CAPN3: variants seen among roughly 807,000 people sequenced by gnomAD.
CAPN3 encodes the protein calpain 3.
Under a neutral mutation model 114.0 loss-of-function variants are expected in CAPN3, and 88 were observed. That is an observed-to-expected ratio of 0.77 (90% CI 0.65 to 0.92). The LOEUF is 0.92. CAPN3 is among the 40% of genes least tolerant of loss of function. The pLI is 0.00. For synonymous variants in CAPN3, 386 were observed against 382.9 expected, an observed-to-expected ratio of 1.01 and a Z score of -0.09; for missense variants, 1,028 against 1,069.0, an observed-to-expected ratio of 0.96 and a Z score of 0.53.
chr15:42,387,710 A>G (rs779415824), intron 3 of CAPN3, 43 bp from the exon 4 acceptor site: 1 of 1,613,250 alleles, frequency 6.2e-7, no homozygotes, highest in East Asian at 2.2e-5. Flanking sequence ...ATTTCCTAAC[A>G]GTAATTTGAG....
In CAPN3 at chr15:42,396,863, G is replaced by A; in HGVS notation, c.1179G>A (p.Glu393=). The A allele has an allele frequency of 6.2e-7, 1 of 1,613,512 alleles. No individual in the cohort carries two copies. Among genetic ancestry groups the A allele is most frequent in the Non-Finnish European group, 8.5e-7 (1 of 1,179,452 alleles). The change falls in exon 9 of 24, where the codon GAG becomes GAA. Residue 393 remains glutamate, a synonymous_variant. Coordinates refer to ENST00000397163, the MANE Select transcript of CAPN3 (RefSeq NM_000070.3). The part of the protein sequence containing the change: ...EKARLQHQVT[E]DGEFWMSYED... ...CCCGTCTGCAGCACCAGGTCACTGA[G>A]GATGGAGAGTTCTGGTGAGTCCAGA... is the stretch of plus-strand genomic sequence containing the variant.
In CAPN3 at chr15:42,404,263, T is replaced by G. The variant is rs943263764; in HGVS notation, c.1782+486T>G. On this transcript the variant is annotated intron_variant, in intron 14 of 23. Coordinates refer to ENST00000397163, the MANE Select transcript of CAPN3 (RefSeq NM_000070.3). ...AGTAAAACGGGGATGATAATGTGCC[T>G]TGCAAGGCTTTTGTGAGGCTTCATC... 2.4e-5 allele frequency: 11 copies of G among 456,514 alleles called. No homozygotes were observed. The Admixed American group carries it at 2.6e-4, about 11-fold the overall frequency. 28.3% of individuals were successfully genotyped at this position (456,514 alleles called of 1,614,324 possible). A position where few individuals can be genotyped will look rare whatever the true frequency, so the allele number is the denominator to read the frequency against.
intron 2 of CAPN3, among the ~76,000 whole-genome samples, chr15:42,385,523 T>TACAC (rs750540050): frequency 0.01 from 1,568 of 149,544 alleles, 19 homozygotes; most frequent in Middle Eastern, 0.038. Context: ...TATATATATA[T>TACAC]ACACACACAG....
chr15:42,408,378 A>G (rs1468603926), intron 16 of CAPN3, 54 bp downstream of exon 16: 5 of 1,124,816 alleles, frequency 4.4e-6, no homozygotes, highest in Non-Finnish European at 6.8e-6. Context: ...GGGGCTTCCT[A>G]TGCGCTTGGG....
In CAPN3 at chr15:42,396,887, G is replaced by C. The variant is rs374740787; in HGVS notation, c.1193+10G>C. The C allele has an allele frequency of 4.4e-6, 7 of 1,603,520 alleles. No homozygotes were observed. Among genetic ancestry groups the C allele is most frequent in the Non-Finnish European group, 6.0e-6 (7 of 1,170,492 alleles). ...AGGATGGAGAGTTCTGGTGAGTCCA[G>C]AACCCAGGAAGACCCAGAAGGGTAA... On this transcript the variant is annotated intron_variant, in intron 9 of 23. Transcript: ENST00000397163.
chr15:42,388,094 A>G (rs1026672687), intron 4 of CAPN3, among the ~76,000 whole-genome samples: 2 of 152,190 alleles, frequency 1.3e-5, no homozygotes, highest in African/African-American at 4.8e-5. Flanking sequence ...GTAGAAATGA[A>G]GATTTGCATA....
At position 42,408,337 on chromosome 15, in the gene CAPN3, G is replaced by C. The variant is rs769337232; in HGVS notation, c.1914+13G>C. On this transcript the variant is annotated intron_variant, in intron 16 of 23. Transcript: ENST00000397163. ...GCAGTCCCCACAGGTGTCTGGGCAT[G>C]TGGCATGGGTGGGGTGGCCAGCACG... 1.9e-6 allele frequency: 3 copies of C among 1,557,570 alleles called. No individual in the cohort carries two copies. Among genetic ancestry groups the C allele is most frequent in the Non-Finnish European group, 2.7e-6 (3 of 1,128,768 alleles).
At chr15:42,407,107 C>T (rs2054046108) in intron 15 of CAPN3, among the ~76,000 whole-genome samples, 1 of 152,182 alleles carries the variant, frequency 6.6e-6, no homozygotes, top group Non-Finnish European at 1.5e-5. Flanking sequence ...TACAGGTGCA[C>T]CGCATCCACA....
intron 1 of CAPN3, among the ~76,000 whole-genome samples, chr15:42,365,972 G>A (rs1595799471): frequency 6.6e-6 from 1 of 152,270 alleles, no homozygotes; most frequent in Admixed American, 6.5e-5. Context: ...AGTTTCCCAA[G>A]CTATAATTCA....
Position 42,411,325 on chromosome 15 carries a change from A to C in CAPN3, c.2419A>C (p.Ile807Leu). 6.2e-7 allele frequency: 1 copy of C among 1,614,146 alleles called. No homozygotes were observed. Among genetic ancestry groups the C allele is most frequent in the South Asian group, 1.1e-5 (1 of 91,082 alleles). The change falls in exon 23 of 24, where the codon ATC (isoleucine) becomes CTC (leucine). Residue 807 changes from isoleucine to leucine, a missense_variant. Coordinates refer to ENST00000397163, the MANE Select transcript of CAPN3 (RefSeq NM_000070.3). ...ATTTGACAAGGATGGAGATGGTATCATCAAGCTCAACGTTCTGGAGGTAAA... is the reference window on the plus strand; with the variant it reads ...ATTTGACAAGGATGGAGATGGTATCCTCAAGCTCAACGTTCTGGAGGTAAA... ...HAFDKDGDGI[I>L]KLNVLEWLQL...
At chr15:42,367,966 C>A (rs2052832257) in intron 1 of CAPN3, among the ~76,000 whole-genome samples, 1 of 152,144 alleles carries the variant, frequency 6.6e-6, no homozygotes, top group Non-Finnish European at 1.5e-5. Flanking sequence ...ATCATGTCAT[C>A]CCTCTTTTAG....
At chr15:42,367,153 A>T (rs2052809532) in intron 1 of CAPN3, among the ~76,000 whole-genome samples, 1 of 152,046 alleles carries the variant, frequency 6.6e-6, no homozygotes, top group African/African-American at 2.4e-5. Flanking sequence ...ATTCTTTCCG[A>T]GTGCTTGTGA....
At chr15:42,397,675 A>G (rs954492667) in intron 9 of CAPN3, among the ~76,000 whole-genome samples, 1 of 151,902 alleles carries the variant, frequency 6.6e-6, no homozygotes, top group Admixed American at 6.6e-5. Flanking sequence ...TCTTAGTATA[A>G]TGTCAAGGGA....
chr15:42,404,956 G>A lies in CAPN3; in HGVS notation c.1783-970G>A, dbSNP rs183834752. 2.9e-5 allele frequency: 29 copies of A among 997,852 alleles called. No homozygotes were observed. In the African/African-American group the frequency reaches 3.5e-4, roughly 12 times the overall value. 61.8% of individuals were successfully genotyped at this position (997,852 alleles called of 1,614,324 possible). On this transcript the variant is annotated intron_variant, in intron 14 of 23. Coordinates refer to ENST00000397163, the MANE Select transcript of CAPN3 (RefSeq NM_000070.3). ...AAGCTTATGGGAGCTGGCACGTCAC[G>A]TGAGTAGAGCAGGCAGGTGCAGGGG... is the stretch of plus-strand genomic sequence containing the variant.
chr15:42,411,690 G>GT (rs533985749), intron 23 of CAPN3, 57 bp from the exon 24 acceptor site: 7 of 184,446 alleles, frequency 3.8e-5, no homozygotes, highest in Middle Eastern at 1.3e-3. Flanking sequence ...TCCTAGGGCG[G>GT]GGGGGGGGGG....
chr15:42,377,369 G>A (rs1214018803), intron 1 of CAPN3, among the ~76,000 whole-genome samples: 1 of 152,068 alleles, frequency 6.6e-6, no homozygotes, highest in African/African-American at 2.4e-5. Context: ...TAGCTGAGAG[G>A]TTTTTTTAAA....
At chr15:42,392,855 A>C in intron 7 of CAPN3, 133 bp downstream of exon 7, 1 of 675,598 alleles carries the variant, frequency 1.5e-6, no homozygotes, top group Non-Finnish European at 2.7e-6. Flanking sequence ...TCAAGGTCCA[A>C]GCCACGCCTG....
chr15:42,360,239 G>T (rs2052606415), intron 1 of CAPN3, 125 bp downstream of exon 1: 1 of 1,031,662 alleles, frequency 9.7e-7, no homozygotes. Context: ...AGCTCTGCTG[G>T]GCTCTGTCTT....
At chr15:42,375,620 A>G (rs1327509199) in intron 1 of CAPN3, among the ~76,000 whole-genome samples, 2 of 152,336 alleles carry the variant, frequency 1.3e-5, no homozygotes, top group Admixed American at 6.5e-5. Flanking sequence ...GGAGTGGATG[A>G]AAAAACTATT....
Sources: gnomAD v4.1 joint callset for allele counts (sites outside exome capture counted in the v4.1 genomes callset) on GRCh38, gnomAD v4.1.1 for gene constraint, MANE v1.5 for transcripts, NCBI Gene and HGNC (gene_info 2026-07-23, HGNC 2026-07-21) for gene names.